Variants in NRG3 observed in about 807,000 individuals in gnomAD.
NRG3 encodes pro-neuregulin-3, membrane-bound isoform.
In NRG3, 31 loss-of-function variants were observed where a neutral mutation model predicts 66.9. The observed-to-expected ratio is 0.46, with a 90% CI of 0.35 to 0.63. The LOEUF (loss-of-function observed/expected upper bound fraction) is 0.63. Ranked by LOEUF, NRG3 falls within the 20% of genes least tolerant of loss-of-function variation. The pLI, the probability that NRG3 is intolerant of heterozygous loss-of-function variation, is 0.00. For synonymous variants in NRG3, 393 were observed against 359.4 expected (o/e 1.09, Z -1.06); for missense variants, 910 against 878.9 (o/e 1.04, Z -0.45).
chr10:82,779,429 TCTAC>T (rs1389951732), intron 3 of NRG3, among the ~76,000 whole-genome samples: 1 of 152,168 alleles, frequency 6.6e-6, no homozygotes, highest in East Asian at 1.9e-4. Flanking sequence ...ACGGACCTAC[TCTAC>T]TTCAGTGCTT....
At chr10:82,080,891 CTCT>C (rs920037973) in intron 1 of NRG3, among the ~76,000 whole-genome samples, 7 of 152,146 alleles carry the variant, frequency 4.6e-5, no homozygotes, top group African/African-American at 1.7e-4. Context: ...CAATAAGTCC[CTCT>C]TCTTTCTTCC....
At chr10:82,744,078 G>C (rs931643862) in intron 3 of NRG3, among the ~76,000 whole-genome samples, 2 of 152,126 alleles carry the variant, frequency 1.3e-5, no homozygotes, top group African/African-American at 4.8e-5. Flanking sequence ...CTTAAAGAAA[G>C]TGATGGCCCT....
intron 1 of NRG3, among the ~76,000 whole-genome samples, chr10:81,908,025 G>T (rs561234754): frequency 6.6e-6 from 1 of 152,206 alleles, no homozygotes; most frequent in South Asian, 2.1e-4. Flanking sequence ...TTAATTTGTT[G>T]ATGCTTAGAT....
rs75408547 is a variant in NRG3, at chr10:81,877,653, T to C, written c.823+1490T>C. On this transcript the variant is annotated intron_variant, in intron 1 of 8. Transcript: ENST00000372141. ...GAAAAAAAAGCAAACCTACTTTGCT[T>C]TGGAAAAAACCGTCTAGAAGATAAA... 9.3e-4 allele frequency: 1,150 copies of C among 1,230,770 alleles called. 14 individuals are homozygous for C. In the African/African-American group the frequency reaches 0.017, roughly 18 times the overall value. 76.2% of individuals were successfully genotyped at this position (1,230,770 alleles called of 1,614,324 possible).
At chr10:82,708,621 A>G (rs1277613901) in intron 2 of NRG3, among the ~76,000 whole-genome samples, 1 of 152,162 alleles carries the variant, frequency 6.6e-6, no homozygotes, top group Non-Finnish European at 1.5e-5. Flanking sequence ...TTTAATTTAT[A>G]TTACAATTAC....
chr10:82,933,130 C>G (rs893978929), intron 4 of NRG3, among the ~76,000 whole-genome samples: 2 of 152,190 alleles, frequency 1.3e-5, no homozygotes, highest in African/African-American at 4.8e-5. Flanking sequence ...AGCATAGGAG[C>G]CTTCACAACC....
intron 8 of NRG3, among the ~76,000 whole-genome samples, chr10:82,983,495 AGTC>A (rs1396040279): frequency 2.0e-5 from 3 of 152,218 alleles, no homozygotes; most frequent in East Asian, 3.8e-4. Context: ...CCCTTAGGAT[AGTC>A]GTTCATTAGC....
chr10:82,645,093 A>T (rs2050844475), intron 2 of NRG3, among the ~76,000 whole-genome samples: 1 of 152,146 alleles, frequency 6.6e-6, no homozygotes, highest in Admixed American at 6.5e-5. Flanking sequence ...TGCTGTTTTC[A>T]TATTTTTTCT....
chr10:82,267,452 G>A (rs777465897), intron 1 of NRG3, among the ~76,000 whole-genome samples: 3 of 152,176 alleles, frequency 2.0e-5, no homozygotes, highest in Non-Finnish European at 2.9e-5. Flanking sequence ...TCCAAAGCCA[G>A]GAGCTTGACT....
rs1474200667 is a variant in NRG3, at chr10:82,342,476, T to C, written c.824-16263T>C. ...ATTAACCATTCTGGCTGGTGTAAGA[T>C]GGTATCTCACTGTGGTTTTAATTTG... On this transcript the variant is annotated intron_variant, in intron 1 of 8. Coordinates refer to ENST00000372141, the MANE Select transcript of NRG3 (RefSeq NM_001010848.4). 2.0e-5 allele frequency among the ~76,000 whole-genome samples: 3 copies of C among 152,170 alleles called. No individual in the cohort carries two copies. The East Asian group carries it at 5.8e-4, about 29-fold the overall frequency.
At chr10:82,607,201 A>G (rs2048022871) in intron 2 of NRG3, among the ~76,000 whole-genome samples, 1 of 152,206 alleles carries the variant, frequency 6.6e-6, no homozygotes, top group African/African-American at 2.4e-5. Context: ...TTCAACTATA[A>G]TAGTGGATTG....
chr10:82,138,677 A>G (rs895143894), intron 1 of NRG3, among the ~76,000 whole-genome samples: 3 of 152,132 alleles, frequency 2.0e-5, no homozygotes, highest in African/African-American at 4.8e-5. Flanking sequence ...GCGAGTACCA[A>G]AACCTCAAAA....
rs183206101 is a variant in NRG3, at chr10:82,101,636, C to T, written c.823+225473C>T. 1.2e-3 allele frequency among the ~76,000 whole-genome samples: 186 copies of T among 151,766 alleles called. 1 individual carries two copies. The highest frequency in any genetic ancestry group is 4.4e-3 in the African/African-American group (181 of 41,488). ...TAGCTTCTAAATCATTGTGGAATCACCAATGATTTTTATGTAATTGATTTA... is the reference window on the plus strand; with the variant it reads ...TAGCTTCTAAATCATTGTGGAATCATCAATGATTTTTATGTAATTGATTTA... On this transcript the variant is annotated intron_variant, in intron 1 of 8. Coordinates refer to ENST00000372141, the MANE Select transcript of NRG3 (RefSeq NM_001010848.4).
intron 2 of NRG3, among the ~76,000 whole-genome samples, chr10:82,701,884 T>C (rs2055908033): frequency 1.3e-5 from 2 of 152,176 alleles, no homozygotes; most frequent in South Asian, 4.1e-4. Context: ...CTTCTTACCA[T>C]GTAATTTTCC....
At chr10:82,719,651 C>A (rs1053840655) in intron 2 of NRG3, among the ~76,000 whole-genome samples, 1 of 152,142 alleles carries the variant, frequency 6.6e-6, no homozygotes, top group African/African-American at 2.4e-5. Flanking sequence ...GTCTGATAGA[C>A]CCATTGGTTT....
intron 2 of NRG3, among the ~76,000 whole-genome samples, chr10:82,573,976 G>C (rs2045891452): frequency 6.6e-6 from 1 of 151,684 alleles, no homozygotes. Context: ...ACACTATGGA[G>C]GTTCCTCAAA....
At chr10:82,434,897 G>A (rs1165002056) in intron 2 of NRG3, among the ~76,000 whole-genome samples, 1 of 152,014 alleles carries the variant, frequency 6.6e-6, no homozygotes, top group East Asian at 1.9e-4. Flanking sequence ...ATATTGGCCT[G>A]AAGTTTTCTT....
chr10:82,825,892 G>T (rs557815719), intron 3 of NRG3, among the ~76,000 whole-genome samples: 1 of 152,092 alleles, frequency 6.6e-6, no homozygotes, highest in Non-Finnish European at 1.5e-5. Flanking sequence ...ATGTTAATGT[G>T]CAAGATGGAG....
intron 2 of NRG3, among the ~76,000 whole-genome samples, chr10:82,534,049 A>G (rs1038540552): frequency 6.6e-6 from 1 of 152,224 alleles, no homozygotes; most frequent in South Asian, 2.1e-4. Flanking sequence ...ATAAAATCTT[A>G]GGAATAAACT....
Sources: gnomAD v4.1 joint callset for allele counts (sites outside exome capture counted in the v4.1 genomes callset) on GRCh38, gnomAD v4.1.1 for gene constraint, MANE v1.5 for transcripts, NCBI Gene and HGNC (gene_info 2026-07-23, HGNC 2026-07-21) for gene names.